EPHB3: variants seen among roughly 807,000 people sequenced by gnomAD.
EPHB3 encodes ephrin type-B receptor 3.
In EPHB3, 33 loss-of-function variants were observed where a neutral mutation model predicts 100.2. The observed-to-expected ratio is 0.33, with a 90% confidence interval of 0.25 to 0.44. The LOEUF is 0.44. Among genes scored for constraint, EPHB3 ranks in the 20% least tolerant of loss-of-function variants. The pLI, the probability that EPHB3 is intolerant of heterozygous loss-of-function variation, is 1.00. For missense variants in EPHB3, 1,045 were observed against 1,378.3 expected (o/e 0.76, Z 3.83); for synonymous variants, 526 against 554.7 (o/e 0.95, Z 0.73).
At chr3:184,580,950 G>A in intron 13 of EPHB3, 22 bp from the exon 14 acceptor site, 1 of 1,608,066 alleles carries the variant, frequency 6.2e-7, no homozygotes. Context: ...GCTCACTCAG[G>A]GTTTCCCTGC....
In EPHB3 at chr3:184,578,688, C is replaced by G. The variant is rs956295612; in HGVS notation, c.1801+222C>G. On this transcript the variant is annotated intron_variant, in intron 9 of 15. Coordinates refer to ENST00000330394, the MANE Select transcript of EPHB3 (RefSeq NM_004443.4). This position sits in a 1 kb window ranked among gnomAD's most constrained non-coding sequence, Gnocchi z 4.7. ...AAATGACTGAGACGTGACCTCTCCCCCTAAAGGCAGTTAGTCCTGTGGGAA... is the reference window on the plus strand; with the variant it reads ...AAATGACTGAGACGTGACCTCTCCCGCTAAAGGCAGTTAGTCCTGTGGGAA... Among the ~76,000 whole-genome samples, 2 of 152,190 alleles carry G rather than the reference C, an allele frequency of 1.3e-5. No homozygotes were observed. The highest frequency in any genetic ancestry group is 2.9e-5 in the Non-Finnish European group (2 of 68,038).
intron 3 of EPHB3, among the ~76,000 whole-genome samples, chr3:184,574,842 C>T (rs1714634269): frequency 6.6e-6 from 1 of 152,196 alleles, no homozygotes; most frequent in Non-Finnish European, 1.5e-5. Context: ...CTGGCCTCTG[C>T]CCCCTCCCCC....
intron 1 of EPHB3, among the ~76,000 whole-genome samples, chr3:184,570,707 G>GC (rs999295744): frequency 6.6e-6 from 1 of 152,232 alleles, no homozygotes; most frequent in African/African-American, 2.4e-5. Context: ...TAAAGGCCCT[G>GC]CCGGCCCCTT....
chr3:184,570,435 A>C (rs1577524400), intron 1 of EPHB3, among the ~76,000 whole-genome samples: 1 of 152,198 alleles, frequency 6.6e-6, no homozygotes, highest in African/African-American at 2.4e-5. Context: ...TCTTCTGTAA[A>C]AGGGATACAC....
In EPHB3 at chr3:184,579,849, G is replaced by A. The variant is rs748921352; in HGVS notation, c.2087G>A (p.Arg696Gln). 46 of 1,613,254 alleles carry A rather than the reference G, an allele frequency of 2.9e-5. No individual in the cohort carries two copies. Among genetic ancestry groups the A allele is most frequent in the Admixed American group, 2.0e-4 (12 of 59,874 alleles). Residue 696 changes from arginine to glutamine, a missense_variant, in exon 11 of 16, where the codon CGG (arginine) becomes CAG (glutamine). Arg to Gln is a conservative substitution (Grantham distance 43, BLOSUM62 1). Coordinates refer to ENST00000330394, the MANE Select transcript of EPHB3 (RefSeq NM_004443.4). This position sits in a 1 kb window ranked among gnomAD's most constrained non-coding sequence, Gnocchi z 5.2. ...CAGTTTGATCACCCCAATATAATCC[G>A]GCTCGAGGGCGTGGTCACCAAAAGT... ...MGQFDHPNII[R>Q]LEGVVTKSRP...
At chr3:184,566,514 G>T (rs1714389345) in intron 1 of EPHB3, among the ~76,000 whole-genome samples, 1 of 152,198 alleles carries the variant, frequency 6.6e-6, no homozygotes, top group Non-Finnish European at 1.5e-5. Flanking sequence ...CCCATGGCAG[G>T]CTCCCCCCAA....
At position 184,581,109 on chromosome 3, in the gene EPHB3, G is replaced by C. The variant is rs1441327188; in HGVS notation, c.2676G>C (p.Leu892=). The change falls in exon 14 of 16, where the codon CTG becomes CTC. Residue 892 remains leucine, a synonymous_variant. Transcript: ENST00000330394. The stretch of plus-strand genomic sequence containing the variant: ...AATTCTCCCAGATTGTCAATACCCT[G>C]GACAAGCTCATCCGCAATGCTGCCA... ...RPKFSQIVNT[L]DKLIRNAASL... is the part of the protein sequence containing the mutation. 4.3e-6 allele frequency: 7 copies of C among 1,614,072 alleles called. No homozygotes were observed. The highest frequency in any genetic ancestry group is 1.3e-5 in the African/African-American group (1 of 74,934).
At chr3:184,580,377 A>G in intron 11 of EPHB3, 25 bp from the exon 12 acceptor site, 1 of 1,614,080 alleles carries the variant, frequency 6.2e-7, no homozygotes, top group Non-Finnish European at 8.5e-7. Context: ...CAATGGGCTC[A>G]CCTGAGCCTG....
Position 184,563,575 on chromosome 3 carries a change from A to C in EPHB3, c.118+1222A>C, listed in dbSNP as rs775823605. Among the ~76,000 whole-genome samples the C allele has an allele frequency of 7.2e-5, 11 of 152,138 alleles. No homozygotes were observed. The highest frequency in any genetic ancestry group is 1.6e-4 in the Non-Finnish European group (11 of 68,026). The stretch of plus-strand genomic sequence containing the variant: ...TTCTCCAGAGGAAAGACCTCCTATG[A>C]TCCCCCACCCTCCTCATCTCTGAGC... On this transcript the variant is annotated intron_variant, in intron 1 of 15. Transcript: ENST00000330394. This position sits in a 1 kb window ranked among gnomAD's most constrained non-coding sequence, Gnocchi z 4.1.
At position 184,579,218 on chromosome 3, in the gene EPHB3, C is replaced by T. The variant is rs905935383; in HGVS notation, c.1802-259C>T. Among the ~76,000 whole-genome samples, 1 of 151,970 alleles carries T rather than the reference C, an allele frequency of 6.6e-6. No homozygotes were observed. The highest frequency in any genetic ancestry group is 1.9e-4 in the East Asian group (1 of 5,178). ...TGAGTGTTGAAGGCCTGGACAAGGT[C>T]GGGGCAGTGGGAACCAGGGGAGGCA... On this transcript the variant is annotated intron_variant, in intron 9 of 15. Coordinates refer to ENST00000330394, the MANE Select transcript of EPHB3 (RefSeq NM_004443.4). The surrounding 1 kb of genome is among the most constrained non-coding windows in gnomAD (Gnocchi z 5.2).
In EPHB3 at chr3:184,578,909, G is replaced by C. The variant is rs1714750480; in HGVS notation, c.1801+443G>C. Among the ~76,000 whole-genome samples, 1 of 152,178 alleles carries C rather than the reference G, an allele frequency of 6.6e-6. No homozygotes were observed. Among genetic ancestry groups the C allele is most frequent in the African/African-American group, 2.4e-5 (1 of 41,448 alleles). ...TTCCTGGCCAGAGGAGCCTCTGGAA[G>C]GTAGTGGGCGGGGTGGGGAAGGAGC... On this transcript the variant is annotated intron_variant, in intron 9 of 15. Coordinates refer to ENST00000330394, the MANE Select transcript of EPHB3 (RefSeq NM_004443.4). The surrounding 1 kb of genome is among the most constrained non-coding windows in gnomAD (Gnocchi z 4.7).
rs776224603 is a variant in EPHB3 at position 184,577,310 on chromosome 3, G to A, written c.1355-33G>A. On this transcript the variant is annotated intron_variant, in intron 5 of 15. Coordinates refer to ENST00000330394, the MANE Select transcript of EPHB3 (RefSeq NM_004443.4). This position sits in a 1 kb window ranked among gnomAD's most constrained non-coding sequence, Gnocchi z 4.9. ...TCTTTGGGAAGGATGCCAGGGTCCA[G>A]GGAGCCCCTGGTGAGCCCTCTGCTC... The A allele has an allele frequency of 6.2e-7, 1 of 1,607,760 alleles. No individual in the cohort carries two copies. Among genetic ancestry groups the A allele is most frequent in the East Asian group, 2.2e-5 (1 of 44,784 alleles).
At position 184,577,421 on chromosome 3, in the gene EPHB3, G is replaced by A. The variant is rs375496102; in HGVS notation, c.1433G>A (p.Arg478Gln). 35 of 1,613,938 alleles carry A rather than the reference G, an allele frequency of 2.2e-5. No individual in the cohort carries two copies. The highest frequency in any genetic ancestry group is 2.6e-5 in the Non-Finnish European group (31 of 1,180,024). ...SLTLSWAPPE[R>Q]PNGVILDYEM... ...ACCCTATCCTGGGCACCCCCAGAGC[G>A]GCCCAACGGAGTCATCCTGGACTAC... The change falls in exon 6 of 16, where the codon CGG becomes CAG. Residue 478 changes from arginine to glutamine, a missense_variant. By Grantham distance (43) the Arg-to-Gln change is conservative. Coordinates refer to ENST00000330394, the MANE Select transcript of EPHB3 (RefSeq NM_004443.4). This position sits in a 1 kb window ranked among gnomAD's most constrained non-coding sequence, Gnocchi z 4.9.
intron 1 of EPHB3, among the ~76,000 whole-genome samples, chr3:184,564,356 C>T (rs989568479): frequency 2.0e-5 from 3 of 152,192 alleles, no homozygotes; most frequent in African/African-American, 4.8e-5. Context: ...CCAGTTCGTG[C>T]GTGGGAGAAT....
At position 184,573,641 on chromosome 3, in the gene EPHB3, A is replaced by C. The variant is rs917709282; in HGVS notation, c.856+465A>C. Reference sequence around the variant, plus strand: ...TTGGGAGGCAGTATATAAATGGCACAGTGGTTAGGGGCCCAGTCCCTGAAG... The same window carrying C: ...TTGGGAGGCAGTATATAAATGGCACCGTGGTTAGGGGCCCAGTCCCTGAAG... On this transcript the variant is annotated intron_variant, in intron 3 of 15. Coordinates refer to ENST00000330394, the MANE Select transcript of EPHB3 (RefSeq NM_004443.4). This position sits in a 1 kb window ranked among gnomAD's most constrained non-coding sequence, Gnocchi z 4.5. 6.6e-6 allele frequency among the ~76,000 whole-genome samples: 1 copy of C among 151,424 alleles called. No individual in the cohort carries two copies. Among genetic ancestry groups the C allele is most frequent in the Non-Finnish European group, 1.5e-5 (1 of 67,968 alleles).
Position 184,573,267 on chromosome 3 carries a change from G to T in EPHB3, c.856+91G>T. The T allele has an allele frequency of 1.3e-6, 2 of 1,526,946 alleles. No individual in the cohort carries two copies. Among genetic ancestry groups the T allele is most frequent in the South Asian group, 1.2e-5 (1 of 85,074 alleles). The allele number at this position is 1,526,946 out of a possible 1,614,324, so 94.6% of individuals were successfully genotyped here. A position where few individuals can be genotyped will look rare whatever the true frequency, so the allele number is the denominator to read the frequency against. ...CGCCCCCCACCCCTGCTTGCTATCT[G>T]ACTAGGAGGTCTGGGAGCAGGTCCA... On this transcript the variant is annotated intron_variant, in intron 3 of 15. Transcript: ENST00000330394. This position sits in a 1 kb window ranked among gnomAD's most constrained non-coding sequence, Gnocchi z 4.5.
Position 184,575,996 on chromosome 3 carries a change from G to T in EPHB3, c.1012+11G>T, listed in dbSNP as rs368187986. 1.9e-6 allele frequency: 3 copies of T among 1,600,892 alleles called. 1 individual carries two copies. The highest frequency in any genetic ancestry group is 2.6e-6 in the Non-Finnish European group (3 of 1,172,196). On this transcript the variant is annotated intron_variant, in intron 4 of 15. Transcript: ENST00000330394. ...ACAGTGCCTGTACCAGTGAGTGAACGCGTGACCTCTCTTTCCCTCTGCAGG... is the reference window on the plus strand; with the variant it reads ...ACAGTGCCTGTACCAGTGAGTGAACTCGTGACCTCTCTTTCCCTCTGCAGG...
rs1714543097 is a variant in EPHB3 at position 184,571,667 on chromosome 3, TC to T, written c.183+289del. Among the ~76,000 whole-genome samples, 1 of 152,036 alleles carries T rather than the reference TC, an allele frequency of 6.6e-6. No homozygotes were observed. ...TTCCTAACAGCCCTCTGCATGTCCATCCCCACCATCTCCCTCCTCCCTGGGT... is the reference window on the plus strand; with the variant it reads ...TTCCTAACAGCCCTCTGCATGTCCATCCCACCATCTCCCTCCTCCCTGGGT... On this transcript the variant is annotated intron_variant, in intron 2 of 15. Coordinates refer to ENST00000330394, the MANE Select transcript of EPHB3 (RefSeq NM_004443.4). The surrounding 1 kb of genome is among the most constrained non-coding windows in gnomAD (Gnocchi z 5.0).
Position 184,578,582 on chromosome 3 carries a change from C to G in EPHB3, c.1801+116C>G, listed in dbSNP as rs141338860. On this transcript the variant is annotated intron_variant, in intron 9 of 15. Transcript: ENST00000330394. The surrounding 1 kb of genome is among the most constrained non-coding windows in gnomAD (Gnocchi z 4.7). ...AGAGATAAACCCTGAATGCCCCCTC[C>G]CACTTCCAGTCAAGTGGCATTTCCT... is the stretch of plus-strand genomic sequence containing the variant. 3.9e-3 allele frequency: 5,312 copies of G among 1,351,550 alleles called. 15 individuals are homozygous for G. Among genetic ancestry groups the G allele is most frequent in the Non-Finnish European group, 5.1e-3 (4,904 of 970,224 alleles). 83.7% of individuals were successfully genotyped at this position (1,351,550 alleles called of 1,614,324 possible).
Sources: gnomAD v4.1 joint callset for allele counts (sites outside exome capture counted in the v4.1 genomes callset) on GRCh38, gnomAD v4.1.1 for gene constraint, Gnocchi (gnomAD v3.1) non-coding constraint, MANE v1.5 for transcripts, NCBI Gene and HGNC (gene_info 2026-07-23, HGNC 2026-07-21) for gene names.